The following MIPOL1 variants were observed in gnomAD, a reference collection of about 807,000 sequenced individuals.
MIPOL1 encodes the protein mirror-image polydactyly gene 1 protein.
Under a neutral mutation model 60.9 loss-of-function variants are expected in MIPOL1, and 57 were observed. The ratio of observed to expected loss-of-function variants is 0.94; its 90% CI spans 0.76 to 1.17. MIPOL1 has a LOEUF of 1.17. MIPOL1 is among the 50% of genes most tolerant of loss of function. MIPOL1 has a pLI of 0.00. For synonymous variants in MIPOL1, 179 were observed against 168.8 expected (o/e 1.06, Z -0.47); for missense variants, 551 against 511.6 (o/e 1.08, Z -0.74).
chr14:37,303,425 C>G (rs1176658575), intron 7 of MIPOL1, among the ~76,000 whole-genome samples: 1 of 151,910 alleles, frequency 6.6e-6, no homozygotes, highest in Non-Finnish European at 1.5e-5. Context: ...ACTTCTTCCT[C>G]AGAACTTCGA....
chr14:37,293,057 C>A (rs1219126568), intron 7 of MIPOL1, among the ~76,000 whole-genome samples: 1 of 152,112 alleles, frequency 6.6e-6, no homozygotes, highest in African/African-American at 2.4e-5. Context: ...TTATTTGTTT[C>A]AGTATTGTAG....
At chr14:37,469,460 G>A (rs1197163480) in intron 11 of MIPOL1, among the ~76,000 whole-genome samples, 2 of 152,096 alleles carry the variant, frequency 1.3e-5, no homozygotes, top group East Asian at 3.9e-4. Context: ...CCTCCCACCA[G>A]ACCCCACTTG....
At chr14:37,303,335 C>T (rs994828932) in intron 7 of MIPOL1, among the ~76,000 whole-genome samples, 1 of 151,766 alleles carries the variant, frequency 6.6e-6, no homozygotes, top group Non-Finnish European at 1.5e-5. Flanking sequence ...CTTATTAATT[C>T]ATTCTTAAAA....
intron 7 of MIPOL1, among the ~76,000 whole-genome samples, chr14:37,285,979 A>G (rs2084530837): frequency 6.6e-6 from 1 of 152,168 alleles, no homozygotes; most frequent in Admixed American, 6.5e-5. Context: ...AGAAATGCAC[A>G]TCACTCTCAA....
intron 11 of MIPOL1, among the ~76,000 whole-genome samples, chr14:37,496,220 A>G (rs2095126191): frequency 6.9e-6 from 1 of 144,702 alleles, no homozygotes; most frequent in Non-Finnish European, 1.5e-5. Context: ...AACTGGAAGC[A>G]TTCCCTTTGA....
chr14:37,342,627 A>T (rs905765850), intron 9 of MIPOL1, among the ~76,000 whole-genome samples: 1 of 151,864 alleles, frequency 6.6e-6, no homozygotes, highest in Non-Finnish European at 1.5e-5. Flanking sequence ...CGAACTCCTG[A>T]CCTGGTGATC....
rs761799299 is a variant in MIPOL1 at position 37,308,499 on chromosome 14, C to T, written c.808C>T (p.Arg270Trp). Residue 270 changes from arginine to tryptophan, a missense_variant, in exon 9 of 13, where the codon CGG becomes TGG. Arg to Trp is a moderately radical substitution (Grantham distance 101). Transcript: ENST00000684589. ...AEEMSALIEE[R>W]DAALSKCKRL... ...AGAAATGAGTGCACTAATAGAAGAA[C>T]GGGATGCTGCCTTGTCTAAGGTAAC... 3.7e-5 allele frequency: 58 copies of T among 1,584,866 alleles called. No homozygotes were observed. The highest frequency in any genetic ancestry group is 1.8e-4 in the African/African-American group (13 of 73,638).
intron 1 of MIPOL1, among the ~76,000 whole-genome samples, chr14:37,205,260 G>T (rs905433911): frequency 5.3e-5 from 8 of 151,882 alleles, no homozygotes; most frequent in African/African-American, 1.9e-4. Context: ...GCACTACCAC[G>T]CCCAGCTAAT....
chr14:37,293,233 C>G (rs1160879888), intron 7 of MIPOL1, among the ~76,000 whole-genome samples: 1 of 152,096 alleles, frequency 6.6e-6, no homozygotes, highest in African/African-American at 2.4e-5. Context: ...GTTTTATTAG[C>G]TCACTATCTT....
intron 1 of MIPOL1, chr14:37,227,779 G>T (rs1969981379): frequency 6.6e-6 from 1 of 152,174 alleles, no homozygotes; most frequent in South Asian, 2.1e-4. Flanking sequence ...CCATCGCAAG[G>T]TTCTCAAGGT....
chr14:37,358,791 C>T (rs931971396), intron 9 of MIPOL1, among the ~76,000 whole-genome samples: 1 of 152,156 alleles, frequency 6.6e-6, no homozygotes, highest in East Asian at 1.9e-4. Context: ...GTTGCCTGTT[C>T]ACTCTGAGGG....
In MIPOL1 at chr14:37,266,998, A is replaced by C. The variant is rs757412466; in HGVS notation, c.80A>C (p.Asp27Ala). The C allele has an allele frequency of 6.2e-7, 1 of 1,613,898 alleles. No homozygotes were observed. Among genetic ancestry groups the C allele is most frequent in the Non-Finnish European group, 8.5e-7 (1 of 1,179,866 alleles). The change falls in exon 4 of 13, where the codon GAT (aspartate) becomes GCT (alanine). Residue 27 changes from aspartate to alanine, a missense_variant. Transcript: ENST00000684589. ...TTGINKSTQP[D>A]EQLTMNSEKS... ...GGGATAAATAAAAGTACGCAGCCAGATGAGCAACTGACTATGAATTCTGAG... is the reference window on the plus strand; with the variant it reads ...GGGATAAATAAAAGTACGCAGCCAGCTGAGCAACTGACTATGAATTCTGAG...
At chr14:37,322,627 C>T (rs1395239880) in intron 9 of MIPOL1, among the ~76,000 whole-genome samples, 1 of 151,942 alleles carries the variant, frequency 6.6e-6, no homozygotes, top group Non-Finnish European at 1.5e-5. Context: ...TCCACATCCT[C>T]TCCAGCATCT....
intron 6 of MIPOL1, among the ~76,000 whole-genome samples, chr14:37,285,026 T>G (rs1425756884): frequency 6.6e-6 from 1 of 152,234 alleles, no homozygotes; most frequent in African/African-American, 2.4e-5. Flanking sequence ...TAGAAATATA[T>G]CTGCCTATCT....
At chr14:37,443,276 C>T (rs765383077) in intron 11 of MIPOL1, among the ~76,000 whole-genome samples, 4 of 151,660 alleles carry the variant, frequency 2.6e-5, no homozygotes, top group Non-Finnish European at 5.9e-5. Flanking sequence ...CTGGGAAACA[C>T]AGTGAGACCC....
At chr14:37,353,445 C>T (rs898386731) in intron 9 of MIPOL1, among the ~76,000 whole-genome samples, 11 of 151,398 alleles carry the variant, frequency 7.3e-5, no homozygotes, top group African/African-American at 2.7e-4. Flanking sequence ...AGGATTCCCT[C>T]TTTTTCTATT....
intron 11 of MIPOL1, among the ~76,000 whole-genome samples, chr14:37,446,620 C>T (rs1431806954): frequency 6.6e-6 from 1 of 152,144 alleles, no homozygotes; most frequent in Non-Finnish European, 1.5e-5. Flanking sequence ...AAGACACATG[C>T]ACACGTATGT....
At chr14:37,309,623 T>A (rs1027190536) in intron 9 of MIPOL1, among the ~76,000 whole-genome samples, 1 of 152,086 alleles carries the variant, frequency 6.6e-6, no homozygotes, top group African/African-American at 2.4e-5. Flanking sequence ...AATGTCAAGC[T>A]TCCCGCTTTC....
At chr14:37,296,542 A>G (rs2085706608) in intron 7 of MIPOL1, among the ~76,000 whole-genome samples, 1 of 152,200 alleles carries the variant, frequency 6.6e-6, no homozygotes, top group South Asian at 2.1e-4. Context: ...GATCAACAAA[A>G]TTGATAGACC....
Sources: gnomAD v4.1 joint callset for allele counts (sites outside exome capture counted in the v4.1 genomes callset) on GRCh38, gnomAD v4.1.1 for gene constraint, MANE v1.5 for transcripts, NCBI Gene and HGNC (gene_info 2026-07-23, HGNC 2026-07-21) for gene names.